AGBL1: variants seen among roughly 807,000 people sequenced by gnomAD.
AGBL1 encodes the protein cytosolic carboxypeptidase 4.
AGBL1 carries 130 observed loss-of-function variants against 118.9 expected under a neutral mutation model. That is an observed-to-expected ratio of 1.09 (90% CI 0.95 to 1.26). AGBL1 has a LOEUF of 1.26. Among genes scored for constraint, AGBL1 ranks in the 50% most tolerant of loss-of-function variants. The pLI, the probability that AGBL1 is intolerant of heterozygous loss-of-function variation, is 0.00. For synonymous variants in AGBL1, 555 were observed against 478.9 expected, an observed-to-expected ratio of 1.16 and a Z score of -2.08; for missense variants, 1,584 against 1,298.1, an observed-to-expected ratio of 1.22 and a Z score of -3.38.
chr15:86,883,198 A>G (rs999861434), intron 22 of AGBL1, among the ~76,000 whole-genome samples: 1 of 152,226 alleles, frequency 6.6e-6, no homozygotes. Context: ...TATTTAAATA[A>G]TTACATCTAA....
downstream of AGBL1, among the ~76,000 whole-genome samples, chr15:86,919,957 G>A (rs996255307): frequency 7.9e-5 from 12 of 152,136 alleles, no homozygotes; most frequent in Admixed American, 7.9e-4. Flanking sequence ...GCTCATGGGG[G>A]AGGGATATCA....
intron 17 of AGBL1, among the ~76,000 whole-genome samples, chr15:86,339,261 G>A (rs1191354050): frequency 6.6e-6 from 1 of 152,192 alleles, no homozygotes; most frequent in South Asian, 2.1e-4. Flanking sequence ...TCCATTTCTT[G>A]TTGTCTTCAA....
At chr15:86,787,978 G>A (rs1365906526) in intron 22 of AGBL1, among the ~76,000 whole-genome samples, 1 of 152,090 alleles carries the variant, frequency 6.6e-6, no homozygotes, top group South Asian at 2.1e-4. Context: ...AAACTGTGGT[G>A]CATCTTTTTG....
intron 22 of AGBL1, among the ~76,000 whole-genome samples, chr15:86,725,205 A>G (rs1477999025): frequency 6.6e-6 from 1 of 152,244 alleles, no homozygotes; most frequent in Non-Finnish European, 1.5e-5. Flanking sequence ...CTACAGGAGA[A>G]CAAAATACAT....
chr15:86,563,970 T>C (rs996942579), intron 21 of AGBL1, among the ~76,000 whole-genome samples: 93 of 152,228 alleles, frequency 6.1e-4, no homozygotes, highest in African/African-American at 2.2e-3. Context: ...CTTTTTTGTT[T>C]TCCATTTGCT....
downstream of AGBL1, among the ~76,000 whole-genome samples, chr15:86,920,646 C>T (rs1269822160): frequency 6.6e-6 from 1 of 152,186 alleles, no homozygotes; most frequent in East Asian, 1.9e-4. Flanking sequence ...ATTTTATATA[C>T]ATTAATAACA....
intron 19 of AGBL1, among the ~76,000 whole-genome samples, chr15:86,537,874 A>G (rs116164104): frequency 6.6e-6 from 1 of 152,230 alleles, no homozygotes; most frequent in South Asian, 2.1e-4. Context: ...TGACCGACAC[A>G]TATCTGGCAT....
At chr15:86,219,300 T>C (rs954652006) in intron 5 of AGBL1, among the ~76,000 whole-genome samples, 3 of 152,208 alleles carry the variant, frequency 2.0e-5, no homozygotes, top group Admixed American at 6.5e-5. Flanking sequence ...CCAAATGTAA[T>C]TGTGGTTTTT....
chr15:86,683,214 A>T (rs1232199213), intron 22 of AGBL1, among the ~76,000 whole-genome samples: 1 of 150,076 alleles, frequency 6.7e-6, no homozygotes, highest in African/African-American at 2.4e-5. Flanking sequence ...TAACGTATGT[A>T]TTGGGTACAT....
chr15:86,091,633 A>G (rs571354448), intron 1 of AGBL1, among the ~76,000 whole-genome samples: 1 of 152,318 alleles, frequency 6.6e-6, no homozygotes, highest in East Asian at 1.9e-4. Context: ...AGATAGATAT[A>G]CATAAAAACT....
intron 18 of AGBL1, among the ~76,000 whole-genome samples, chr15:86,520,039 A>C (rs572213935): frequency 6.6e-6 from 1 of 152,320 alleles, no homozygotes; most frequent in Non-Finnish European, 1.5e-5. Context: ...CTTAAAAATG[A>C]CCACAGCCTC....
At chr15:86,732,939 A>G (rs1040295872) in intron 22 of AGBL1, among the ~76,000 whole-genome samples, 1 of 149,702 alleles carries the variant, frequency 6.7e-6, no homozygotes, top group Admixed American at 6.7e-5. Flanking sequence ...AGATATATAT[A>G]TAGAGAGAAA....
At chr15:86,721,362 C>A (rs879127754) in intron 22 of AGBL1, among the ~76,000 whole-genome samples, 3 of 152,144 alleles carry the variant, frequency 2.0e-5, no homozygotes, top group Non-Finnish European at 4.4e-5. Flanking sequence ...AATCAATAAA[C>A]ATAATCCAGC....
At chr15:86,100,504 CTT>C (rs550107339) in intron 1 of AGBL1, among the ~76,000 whole-genome samples, 3 of 150,884 alleles carry the variant, frequency 2.0e-5, no homozygotes, top group Middle Eastern at 3.4e-3. Flanking sequence ...TGATGGGAGA[CTT>C]TTTTTTTATT....
At chr15:86,721,719 C>G (rs1057305132) in intron 22 of AGBL1, among the ~76,000 whole-genome samples, 4 of 152,054 alleles carry the variant, frequency 2.6e-5, no homozygotes, top group African/African-American at 7.2e-5. Flanking sequence ...TCAAATTGTC[C>G]CTGTTTGCAG....
chr15:86,870,200 A>G (rs954410606), intron 22 of AGBL1, among the ~76,000 whole-genome samples: 4 of 152,116 alleles, frequency 2.6e-5, no homozygotes, highest in Non-Finnish European at 5.9e-5. Context: ...AAAGGGAACT[A>G]ATTTATAGCC....
chr15:86,539,137 A>G (rs1174647997), intron 19 of AGBL1, among the ~76,000 whole-genome samples: 2 of 152,240 alleles, frequency 1.3e-5, no homozygotes, highest in Non-Finnish European at 2.9e-5. Flanking sequence ...GAATTGGTTT[A>G]GTCAAAGGCC....
intron 17 of AGBL1, among the ~76,000 whole-genome samples, chr15:86,319,743 G>GTTTT (rs139831044): frequency 2.1e-5 from 1 of 47,230 alleles, no homozygotes; most frequent in Non-Finnish European, 3.6e-5. Flanking sequence ...CTCTTTGGTA[G>GTTTT]TTTTTTTTTT....
intron 17 of AGBL1, among the ~76,000 whole-genome samples, chr15:86,345,811 G>A (rs1016358696): frequency 2.6e-5 from 4 of 152,148 alleles, no homozygotes; most frequent in Admixed American, 2.6e-4. Flanking sequence ...ATAAAATCTT[G>A]CATTAGGAAA....
Sources: allele counts gnomAD v4.1 joint callset (sites outside exome capture counted in the v4.1 genomes callset), GRCh38; gene constraint gnomAD v4.1.1; transcripts MANE v1.5; gene names NCBI Gene and HGNC (gene_info 2026-07-23, HGNC 2026-07-21).